HINT2: variants seen among roughly 807,000 people sequenced by gnomAD.
HINT2 encodes the protein histidine triad nucleotide binding protein 2.
Under a neutral mutation model 20.0 loss-of-function variants are expected in HINT2, and 17 were observed. The observed-to-expected ratio is 0.85, with a 90% CI of 0.58 to 1.27. The LOEUF (loss-of-function observed/expected upper bound fraction) is 1.27, where lower values mean the gene tolerates loss of function less well. Ranked by LOEUF, HINT2 falls within the 50% of genes most tolerant of loss-of-function variation. HINT2 has a pLI of 0.00. For synonymous variants in HINT2, 96 were observed against 84.2 expected (o/e 1.14, Z -0.77); for missense variants, 217 against 211.9 (o/e 1.02, Z -0.15).
intron 1 of HINT2, 109 bp from the exon 2 acceptor site, chr9:35,813,893 A>G: frequency 7.8e-7 from 1 of 1,284,924 alleles, no homozygotes; most frequent in Non-Finnish European, 1.1e-6. Flanking sequence ...ACCCAGGAGG[A>G]AAGTTCCTGA....
In HINT2 at chr9:35,815,020, C is replaced by G; in HGVS notation, c.-41G>C. 1 of 1,373,218 alleles carries G rather than the reference C, an allele frequency of 7.3e-7. No individual in the cohort carries two copies. Among genetic ancestry groups the G allele is most frequent in the Non-Finnish European group, 9.4e-7 (1 of 1,068,300 alleles). 85.1% of individuals were successfully genotyped at this position (1,373,218 alleles called of 1,614,324 possible). ...GGAACCTCTCACCCGGGTCAGCACT[C>G]GGCTCCGCGGCCGGCCGTGGGTGGG... On this transcript the variant is annotated 5_prime_UTR_variant, in exon 1 of 5. Transcript: ENST00000259667.
chr9:35,813,682 TG>T lies in HINT2; in HGVS notation c.183del (p.Asp61GlufsTer51), dbSNP rs756601589. The T allele has an allele frequency of 2.1e-5, 34 of 1,614,042 alleles. No individual in the cohort carries two copies. In the African/African-American group the frequency reaches 2.3e-4, roughly 11 times the overall value. On this transcript the variant is annotated frameshift_variant, in exon 2 of 5. Transcript: ENST00000259667. LOFTEE classifies it high-confidence loss of function. ...TAGAGAATGTCAGCTGGGAGGCTCT[TG>T]TCCAGGATCCGGGAGAAGATGGTTG... ...AAPTIFSRIL[D>X]KSLPADILYE...
At chr9:35,814,335 C>T (rs1200740363) in intron 1 of HINT2, 1 of 155,056 alleles carries the variant, frequency 6.4e-6, no homozygotes, top group East Asian at 1.9e-4. Context: ...ACATGTGACT[C>T]TGTGAATTTT....
intron 2 of HINT2, 35 bp downstream of exon 2, chr9:35,813,609 C>T (rs1828921598): frequency 7.4e-6 from 12 of 1,613,976 alleles, no homozygotes; most frequent in Admixed American, 1.7e-5. Context: ...GTATCTACAA[C>T]ATTCCTAAGG....
At position 35,813,460 on chromosome 9, in the gene HINT2, T is replaced by C. The variant is rs764504693; in HGVS notation, c.312A>G (p.Glu104=). Reference sequence around the variant, plus strand: ...TTCTTCCCACCTGCTGGTCTTCTTCTTCAGCCTGGCTAATCCGAGGAATGG... The same window carrying C: ...TTCTTCCCACCTGCTGGTCTTCTTCCTCAGCCTGGCTAATCCGAGGAATGG... ...KKPIPRISQA[E]EEDQQLLGHL... is the part of the protein sequence containing the mutation. Residue 104 remains glutamate (E), a synonymous_variant, in exon 3 of 5, where the codon GAA becomes GAG. Coordinates refer to ENST00000259667, the MANE Select transcript of HINT2 (RefSeq NM_032593.3). 15 of 1,614,030 alleles carry C rather than the reference T, an allele frequency of 9.3e-6. No individual in the cohort carries two copies. The East Asian group carries it at 3.3e-4, about 36-fold the overall frequency.
chr9:35,815,429 G>C (rs932736626), upstream of HINT2: 1 of 154,022 alleles, frequency 6.5e-6, no homozygotes, highest in Non-Finnish European at 1.4e-5. Context: ...TTCAGGTCTG[G>C]TTCCTATTGG....
upstream of HINT2, chr9:35,815,250 T>C (rs2132128782): frequency 2.5e-6 from 1 of 396,964 alleles, no homozygotes; most frequent in East Asian, 4.0e-5. Context: ...AACGTTCTTT[T>C]CCCATTGGAT....
At chr9:35,814,008 C>T in intron 1 of HINT2, 5 of 561,146 alleles carry the variant, frequency 8.9e-6, no homozygotes, top group Non-Finnish European at 1.3e-5. Context: ...GATTCCTGCT[C>T]ATGTGTCCAC....
At chr9:35,813,593 TG>T (rs1313689543) in intron 2 of HINT2, 44 bp from the exon 3 acceptor site, 1 of 1,614,064 alleles carries the variant, frequency 6.2e-7, no homozygotes, top group South Asian at 1.1e-5. Context: ...TTCAACAGGT[TG>T]GATGGTATCT....
intron 1 of HINT2, 77 bp downstream of exon 1, chr9:35,814,822 G>A (rs1828978100): frequency 1.6e-6 from 2 of 1,277,036 alleles, no homozygotes; most frequent in East Asian, 6.1e-5. Context: ...GCGGCTCTGC[G>A]CGCCTTCGGG....
Position 35,813,287 on chromosome 9 carries a change from G to C in HINT2, c.379C>G (p.Leu127Val), listed in dbSNP as rs1828900785. 6.2e-7 allele frequency: 1 copy of C among 1,614,176 alleles called. No homozygotes were observed. Among genetic ancestry groups the C allele is most frequent in the Admixed American group, 1.7e-5 (1 of 60,036 alleles). The change falls in exon 4 of 5, where the codon CTG becomes GTG. Residue 127 changes from leucine (L) to valine (V), a missense_variant. Coordinates refer to ENST00000259667, the MANE Select transcript of HINT2 (RefSeq NM_032593.3). Reference sequence around the variant, plus strand: ...TCACCAAGTCGGTATCCATCTCCCAGGCCCTCAGCCTTTGCTGTCTGCTTG... The same window carrying C: ...TCACCAAGTCGGTATCCATCTCCCACGCCCTCAGCCTTTGCTGTCTGCTTG... Reference protein sequence around the residue: ...VAKQTAKAEGLGDGYRLVIND... With the variant: ...VAKQTAKAEGVGDGYRLVIND...
chr9:35,813,293 C>T lies in HINT2; in HGVS notation c.373G>A (p.Glu125Lys). Reference protein sequence around the residue: ...LLVAKQTAKAEGLGDGYRLVI... With the variant: ...LLVAKQTAKAKGLGDGYRLVI... ...AGTCGGTATCCATCTCCCAGGCCCT[C>T]AGCCTTTGCTGTCTGCTTGGCCACA... Residue 125 changes from glutamate (E) to lysine (K), a missense_variant, in exon 4 of 5, where the codon GAG becomes AAG. Coordinates refer to ENST00000259667, the MANE Select transcript of HINT2 (RefSeq NM_032593.3). The T allele has an allele frequency of 6.2e-7, 1 of 1,614,206 alleles. No homozygotes were observed. Among genetic ancestry groups the T allele is most frequent in the Non-Finnish European group, 8.5e-7 (1 of 1,180,036 alleles).
rs766338678 is a variant in HINT2, at chr9:35,814,998, A to C, written c.-19T>G. 2.1e-6 allele frequency: 3 copies of C among 1,444,146 alleles called. No individual in the cohort carries two copies. The highest frequency in any genetic ancestry group is 2.7e-6 in the Non-Finnish European group (3 of 1,105,136). 89.5% of individuals were successfully genotyped at this position (1,444,146 alleles called of 1,614,324 possible). A position where few individuals can be genotyped will look rare whatever the true frequency, so the allele number is the denominator to read the frequency against. ...CCGCCATCTTCCCTGAGCCGCGGGAACCTCTCACCCGGGTCAGCACTCGGC... is the reference window on the plus strand; with the variant it reads ...CCGCCATCTTCCCTGAGCCGCGGGACCCTCTCACCCGGGTCAGCACTCGGC... On this transcript the variant is annotated 5_prime_UTR_variant, in exon 1 of 5. Coordinates refer to ENST00000259667, the MANE Select transcript of HINT2 (RefSeq NM_032593.3).
chr9:35,814,775 G>T (rs1315168233), intron 1 of HINT2, 124 bp downstream of exon 1: 3 of 803,232 alleles, frequency 3.7e-6, no homozygotes, highest in Admixed American at 4.0e-5. Flanking sequence ...CGGAGCTTGT[G>T]CCTCGGAGGG....
Position 35,814,975 on chromosome 9 carries a change from G to C in HINT2, c.5C>G (p.Ala2Gly). 1 of 1,472,696 alleles carries C rather than the reference G, an allele frequency of 6.8e-7. No individual in the cohort carries two copies. The highest frequency in any genetic ancestry group is 8.9e-7 in the Non-Finnish European group (1 of 1,119,322). The allele number at this position is 1,472,696 out of a possible 1,614,324, so 91.2% of individuals were successfully genotyped here. A position where few individuals can be genotyped will look rare whatever the true frequency, so the allele number is the denominator to read the frequency against. Residue 2 changes from alanine to glycine, a missense_variant, in exon 1 of 5, where the codon GCG (alanine) becomes GGG (glycine). By Grantham distance (60) the Ala-to-Gly change is moderately conservative. Coordinates refer to ENST00000259667, the MANE Select transcript of HINT2 (RefSeq NM_032593.3). MAAAVVLAAGLR... is the reference protein window; with the variant it reads MGAAVVLAAGLR... Reference sequence around the variant, plus strand: ...CCCAGCAGCCAGCACCACGGCTGCCGCCATCTTCCCTGAGCCGCGGGAACC... The same window carrying C: ...CCCAGCAGCCAGCACCACGGCTGCCCCCATCTTCCCTGAGCCGCGGGAACC...
At position 35,813,435 on chromosome 9, in the gene HINT2, T is replaced by C. The variant is rs374527612; in HGVS notation, c.327+10A>G. On this transcript the variant is annotated intron_variant, in intron 3 of 4. Transcript: ENST00000259667. The stretch of plus-strand genomic sequence containing the variant: ...TCCTCCCAGCCAAACCCTGGCCCTG[T>C]TCTTCCCACCTGCTGGTCTTCTTCT... 185 of 1,613,938 alleles carry C rather than the reference T, an allele frequency of 1.1e-4. 1 individual carries two copies. Among genetic ancestry groups the C allele is most frequent in the Non-Finnish European group, 1.4e-4 (163 of 1,179,922 alleles).
chr9:35,814,297 A>C (rs907111078), intron 1 of HINT2: 16 of 156,022 alleles, frequency 1.0e-4, no homozygotes, highest in Non-Finnish European at 2.0e-4. Flanking sequence ...GCCCTGTTTG[A>C]CACTAGTTGA....
chr9:35,813,361 T>C (rs746851298), intron 3 of HINT2, 23 bp from the exon 4 acceptor site: 5 of 1,611,028 alleles, frequency 3.1e-6, no homozygotes, highest in Non-Finnish European at 4.2e-6. Flanking sequence ...CGGAGGGACA[T>C]AGGTGGCTTC....
Position 35,813,154 on chromosome 9 carries a change from G to A in HINT2, c.401-9C>T, listed in dbSNP as rs375101851. 35 of 1,614,004 alleles carry A rather than the reference G, an allele frequency of 2.2e-5. No homozygotes were observed. The highest frequency in any genetic ancestry group is 2.7e-5 in the Non-Finnish European group (32 of 1,179,990). ...CTTCCCATCGTTGATCACTGAAATT[G>A]AGCTTGGGGTTAGGGAGTCAGGATC... is the stretch of plus-strand genomic sequence containing the variant. On this transcript the variant is annotated splice_polypyrimidine_tract_variant and intron_variant, in intron 4 of 4. Coordinates refer to ENST00000259667, the MANE Select transcript of HINT2 (RefSeq NM_032593.3).
Sources: allele counts gnomAD v4.1 joint callset, GRCh38; gene constraint gnomAD v4.1.1; transcripts MANE v1.5; gene names NCBI Gene and HGNC (gene_info 2026-07-23, HGNC 2026-07-21).